The following TM2D1 variants were observed in gnomAD, a reference collection of about 807,000 sequenced individuals.
The protein encoded by TM2D1 is TM2 domain-containing protein 1.
Under a neutral mutation model 28.4 loss-of-function variants are expected in TM2D1, and 15 were observed. That is an observed-to-expected ratio of 0.53 (90% CI 0.35 to 0.81). The LOEUF (loss-of-function observed/expected upper bound fraction) is 0.81. Ranked by LOEUF, TM2D1 falls within the 40% of genes least tolerant of loss-of-function variation. The pLI is 0.01. For missense variants in TM2D1, 236 were observed against 254.9 expected, an observed-to-expected ratio of 0.93 and a Z score of 0.50; for synonymous variants, 93 against 96.2, an observed-to-expected ratio of 0.97 and a Z score of 0.20.
At chr1:61,722,631 T>C (rs964811433) in intron 2 of TM2D1, among the ~76,000 whole-genome samples, 2 of 152,176 alleles carry the variant, frequency 1.3e-5, no homozygotes, top group African/African-American at 2.4e-5. Context: ...CCTCCCAAAG[T>C]GCTCGGATTA....
At chr1:61,723,670 G>GT (rs1315676303) in intron 2 of TM2D1, 43 bp downstream of exon 2, 3 of 1,102,528 alleles carry the variant, frequency 2.7e-6, no homozygotes, top group Non-Finnish European at 3.9e-6. Flanking sequence ...ATGAAATAAT[G>GT]TTTTTAAAAT....
chr1:61,687,420 C>G (rs900712677), intron 5 of TM2D1, among the ~76,000 whole-genome samples: 1 of 152,112 alleles, frequency 6.6e-6, no homozygotes, highest in Non-Finnish European at 1.5e-5. Context: ...ATATATTTTA[C>G]TGTACAAAAA....
intron 2 of TM2D1, among the ~76,000 whole-genome samples, chr1:61,711,682 G>A (rs2148059474): frequency 6.6e-6 from 1 of 152,096 alleles, no homozygotes; most frequent in East Asian, 1.9e-4. Flanking sequence ...TTGGTATGTA[G>A]CTATTTGGCT....
chr1:61,690,341 T>C (rs547752224), intron 5 of TM2D1, among the ~76,000 whole-genome samples: 12 of 150,188 alleles, frequency 8.0e-5, no homozygotes, highest in African/African-American at 2.9e-4. Context: ...CCTGTAATCC[T>C]AGCTACTCAG....
intron 2 of TM2D1, among the ~76,000 whole-genome samples, chr1:61,719,989 GATA>G (rs1644550755): frequency 6.6e-6 from 1 of 152,204 alleles, no homozygotes; most frequent in Non-Finnish European, 1.5e-5. Flanking sequence ...CTGCCATGTT[GATA>G]ATGTTGTTTC....
chr1:61,723,378 T>C (rs1240067688), intron 2 of TM2D1, among the ~76,000 whole-genome samples: 1 of 152,196 alleles, frequency 6.6e-6, no homozygotes, highest in African/African-American at 2.4e-5. Flanking sequence ...AGGAAGACTT[T>C]CCATGTGAGG....
chr1:61,717,147 G>T (rs890514411), intron 2 of TM2D1, among the ~76,000 whole-genome samples: 1 of 151,678 alleles, frequency 6.6e-6, no homozygotes, highest in Non-Finnish European at 1.5e-5. Context: ...AGGAGATCGA[G>T]ACCATCCTGG....
chr1:61,687,271 A>G (rs1282613954), intron 5 of TM2D1, among the ~76,000 whole-genome samples: 27 of 152,292 alleles, frequency 1.8e-4, no homozygotes, highest in East Asian at 1.3e-3. Flanking sequence ...GAAGGAAGCT[A>G]TTACTTAAGG....
chr1:61,695,728 T>A (rs1348044386), intron 4 of TM2D1, among the ~76,000 whole-genome samples: 1 of 152,192 alleles, frequency 6.6e-6, no homozygotes, highest in Non-Finnish European at 1.5e-5. Flanking sequence ...GTAAGGACAT[T>A]AGATGACTTT....
intron 3 of TM2D1, among the ~76,000 whole-genome samples, chr1:61,703,595 TAG>T (rs1438001694): frequency 6.8e-6 from 1 of 146,856 alleles, no homozygotes; most frequent in Non-Finnish European, 1.5e-5. Flanking sequence ...GTATTTTTAG[TAG>T]AGACAAAATT....
intron 4 of TM2D1, among the ~76,000 whole-genome samples, chr1:61,696,784 G>A (rs1644366374): frequency 6.6e-6 from 1 of 151,982 alleles, no homozygotes; most frequent in Non-Finnish European, 1.5e-5. Context: ...CACTATGCCT[G>A]GCTAGTTTTT....
chr1:61,693,084 A>C (rs1217076438), intron 5 of TM2D1, among the ~76,000 whole-genome samples: 2 of 151,928 alleles, frequency 1.3e-5, no homozygotes, highest in Non-Finnish European at 2.9e-5. Context: ...AGAATATACA[A>C]AAATTAGCCA....
Position 61,719,409 on chromosome 1 carries a change from C to CAGAGAGAG in TM2D1, c.238+4296_238+4303dup, listed in dbSNP as rs59016152. On this transcript the variant is annotated intron_variant, in intron 2 of 6. Transcript: ENST00000606498. Reference sequence around the variant, plus strand: ...CTAGTGGCAGAAAAAAGTATATACACAGAGAGAGAGAGAGAGAGAGAGAGT... The same window carrying CAGAGAGAG: ...CTAGTGGCAGAAAAAAGTATATACACAGAGAGAGAGAGAGAGAGAGAGAGAGAGAGAGT... Among the ~76,000 whole-genome samples the CAGAGAGAG allele has an allele frequency of 7.1e-3, 1,055 of 149,306 alleles. 7 individuals are homozygous for CAGAGAGAG. The highest frequency in any genetic ancestry group is 0.013 in the African/African-American group (541 of 40,924).
chr1:61,691,091 CCCT>C (rs1423898068), intron 5 of TM2D1, among the ~76,000 whole-genome samples: 1 of 152,178 alleles, frequency 6.6e-6, no homozygotes, highest in Admixed American at 6.5e-5. Context: ...TTTCCATTTT[CCCT>C]CCACATATCC....
At chr1:61,722,934 A>C (rs1367213916) in intron 2 of TM2D1, among the ~76,000 whole-genome samples, 1 of 152,180 alleles carries the variant, frequency 6.6e-6, no homozygotes. Context: ...AAAATAAAAA[A>C]AGTATTTTTC....
At chr1:61,691,932 A>AAAAAATATATATAT in intron 5 of TM2D1, among the ~76,000 whole-genome samples, 57 of 76,372 alleles carry the variant, frequency 7.5e-4, no homozygotes, top group South Asian at 1.3e-3. Flanking sequence ...AAAAAAAAAA[A>AAAAAATATATATAT]ATATATATAT....
At chr1:61,715,639 CTG>C (rs1491476000) in intron 2 of TM2D1, among the ~76,000 whole-genome samples, 2 of 31,890 alleles carry the variant, frequency 6.3e-5, no homozygotes, top group Non-Finnish European at 1.0e-4. Context: ...CAGAGCAAGA[CTG>C]TCTCAAAAAA....
chr1:61,694,080 G>A (rs1644346801), intron 5 of TM2D1: 2 of 152,178 alleles, frequency 1.3e-5, no homozygotes, highest in East Asian at 1.9e-4. Flanking sequence ...CCCTAAACAT[G>A]TATATCATTT....
chr1:61,681,419 G>A (rs998208086), intron 6 of TM2D1, 69 bp from the exon 7 acceptor site: 1 of 152,178 alleles, frequency 6.6e-6, no homozygotes, highest in Non-Finnish European at 1.5e-5. Context: ...TATTGCAGAT[G>A]TACATTTTAA....
Sources: gnomAD v4.1 joint callset for allele counts (sites outside exome capture counted in the v4.1 genomes callset) on GRCh38, gnomAD v4.1.1 for gene constraint, MANE v1.5 for transcripts, NCBI Gene and HGNC (gene_info 2026-07-23, HGNC 2026-07-21) for gene names.